Variants in OPCML observed in about 807,000 individuals in gnomAD.
OPCML encodes the protein opioid binding protein/cell adhesion molecule like, also known as opioid-binding protein/cell adhesion molecule.
Under a neutral mutation model 37.8 loss-of-function variants are expected in OPCML, and 13 were observed. That is an observed-to-expected ratio of 0.34 (90% CI 0.22 to 0.55). The LOEUF is 0.55. OPCML is among the 20% of genes least tolerant of loss of function. OPCML has a pLI of 0.91. For synonymous variants in OPCML, 176 were observed against 168.8 expected, an observed-to-expected ratio of 1.04 and a Z score of -0.33; for missense variants, 341 against 435.6, an observed-to-expected ratio of 0.78 and a Z score of 1.93.
chr11:132,705,449 T>C (rs1793287), intron 2 of OPCML, among the ~76,000 whole-genome samples: 108,630 of 151,448 alleles, frequency 0.72, 39,126 homozygotes, highest in Non-Finnish European at 0.75. Flanking sequence ...CAAATTCAGC[T>C]GGGTGTGGTG....
In OPCML at chr11:133,211,944, A is replaced by G. The variant is rs919127672; in HGVS notation, c.62-268934T>C. 6.0e-4 allele frequency among the ~76,000 whole-genome samples: 92 copies of G among 152,322 alleles called. No homozygotes were observed. The Middle Eastern group carries it at 0.014, about 23-fold the overall frequency. Reference sequence around the variant, plus strand: ...CAGTACAAATACCATAAGTTAGTGTATATACTCAAACAAAGCCATGAACGC... The same window carrying G: ...CAGTACAAATACCATAAGTTAGTGTGTATACTCAAACAAAGCCATGAACGC... On this transcript the variant is annotated intron_variant, in intron 1 of 7. Coordinates refer to ENST00000524381, the MANE Select transcript of OPCML (RefSeq NM_001012393.5). This position sits in a 1 kb window ranked among gnomAD's most constrained non-coding sequence, Gnocchi z 4.1.
chr11:133,446,205 A>G (rs1423256610), intron 1 of OPCML, among the ~76,000 whole-genome samples: 3 of 152,016 alleles, frequency 2.0e-5, no homozygotes, highest in Non-Finnish European at 4.4e-5. Context: ...CAAGAACAGA[A>G]CTCCCAATCT....
chr11:132,448,867 A>AT (rs1489145556), intron 4 of OPCML, among the ~76,000 whole-genome samples: 4 of 152,096 alleles, frequency 2.6e-5, no homozygotes, highest in Non-Finnish European at 1.5e-5. Flanking sequence ...AACCACAATT[A>AT]TTTTTTCTGT....
intron 1 of OPCML, among the ~76,000 whole-genome samples, chr11:133,172,243 T>C (rs1272709400): frequency 6.6e-6 from 1 of 152,194 alleles, no homozygotes; most frequent in Non-Finnish European, 1.5e-5. Flanking sequence ...TGACAGTTAC[T>C]GAATTATAGA....
intron 1 of OPCML, among the ~76,000 whole-genome samples, chr11:133,281,705 AG>A (rs1942163286): frequency 1.3e-5 from 2 of 152,148 alleles, no homozygotes; most frequent in Admixed American, 1.3e-4. Flanking sequence ...GATGAGGAGA[AG>A]TTTGGAACTT....
intron 2 of OPCML, among the ~76,000 whole-genome samples, chr11:132,909,391 C>T (rs1216451885): frequency 1.3e-5 from 2 of 152,222 alleles, no homozygotes; most frequent in Non-Finnish European, 2.9e-5. Context: ...GAGACCATTT[C>T]ATAGGCATTT....
intron 3 of OPCML, among the ~76,000 whole-genome samples, chr11:132,652,213 T>C (rs1041165377): frequency 3.9e-4 from 59 of 152,280 alleles, no homozygotes; most frequent in African/African-American, 1.3e-3. Flanking sequence ...AATTATCCTC[T>C]CTTTGCCCCC....
intron 1 of OPCML, among the ~76,000 whole-genome samples, chr11:133,158,712 A>AAAAAAATAAAATAAAAT (rs1555105905): frequency 7.4e-6 from 1 of 134,256 alleles, no homozygotes; most frequent in African/African-American, 2.9e-5. Flanking sequence ...ATAAAATTAA[A>AAAAAAATAAAATAAAAT]AAAATAAAAT....
intron 1 of OPCML, among the ~76,000 whole-genome samples, chr11:133,146,160 A>G (rs536822634): frequency 4.9e-4 from 74 of 152,226 alleles, no homozygotes; most frequent in African/African-American, 1.8e-3. Context: ...TGGCTGCGTA[A>G]AAGAGAAATG....
intron 3 of OPCML, among the ~76,000 whole-genome samples, chr11:132,580,373 A>G (rs1168495728): frequency 6.6e-6 from 1 of 152,232 alleles, no homozygotes; most frequent in Non-Finnish European, 1.5e-5. Context: ...TGCTCAATGA[A>G]AATGTAGACT....
chr11:132,516,702 A>G (rs1360954329), intron 4 of OPCML, among the ~76,000 whole-genome samples: 1 of 88,466 alleles, frequency 1.1e-5, no homozygotes, highest in Non-Finnish European at 2.4e-5. Context: ...TGAGAGGTTG[A>G]TCATGACAGA....
intron 1 of OPCML, chr11:133,301,550 G>A (rs1448358888): frequency 6.6e-6 from 1 of 152,164 alleles, no homozygotes. Context: ...TAGGGATGAG[G>A]ACATGTTCCA....
chr11:133,209,249 C>T lies in OPCML; in HGVS notation c.62-266239G>A, dbSNP rs554290225. Among the ~76,000 whole-genome samples, 8 of 152,232 alleles carry T rather than the reference C, an allele frequency of 5.3e-5. No homozygotes were observed. The South Asian group carries it at 6.2e-4, about 12-fold the overall frequency. The stretch of plus-strand genomic sequence containing the variant: ...GAGACATGTTTACCCCTAGAATTTC[C>T]GCATCTAGTGCAATACCTGGCGTGG... On this transcript the variant is annotated intron_variant, in intron 1 of 7. Transcript: ENST00000524381.
chr11:133,330,958 G>A (rs1210083203), intron 1 of OPCML, among the ~76,000 whole-genome samples: 1 of 152,180 alleles, frequency 6.6e-6, no homozygotes, highest in African/African-American at 2.4e-5. Context: ...TTGTTTAATA[G>A]TTACACAGCT....
At chr11:132,437,696 T>A (rs1439186950) in intron 4 of OPCML, among the ~76,000 whole-genome samples, 2 of 152,214 alleles carry the variant, frequency 1.3e-5, no homozygotes, top group Non-Finnish European at 2.9e-5. Flanking sequence ...GCCAAACTGA[T>A]ATTTTAAAAA....
chr11:132,687,405 T>TACATATATACATATAC (rs1565776255), intron 2 of OPCML, among the ~76,000 whole-genome samples: 1 of 96,000 alleles, frequency 1.0e-5, no homozygotes, highest in African/African-American at 6.3e-5. Context: ...TATATATATA[T>TACATATATACATATAC]ATATATATAT....
intron 1 of OPCML, among the ~76,000 whole-genome samples, chr11:133,140,946 C>CGAAGACGAAGAATACGAA (rs1491151678): frequency 2.2e-4 from 1 of 4,650 alleles, no homozygotes; most frequent in African/African-American, 4.0e-4. Flanking sequence ...AAGAAGAAGA[C>CGAAGACGAAGAATACGAA]GACGAAGAAG....
At position 132,855,600 on chromosome 11, in the gene OPCML, A is replaced by G. The variant is rs1037026411; in HGVS notation, c.146+87326T>C. ...TGGGCCACATGGTAACTCCATGTTTAACATTTTAGCCATGTGAGTGAGCTA... is the reference window on the plus strand; with the variant it reads ...TGGGCCACATGGTAACTCCATGTTTGACATTTTAGCCATGTGAGTGAGCTA... On this transcript the variant is annotated intron_variant, in intron 2 of 7. Coordinates refer to ENST00000524381, the MANE Select transcript of OPCML (RefSeq NM_001012393.5). Among the ~76,000 whole-genome samples, 10 of 152,286 alleles carry G rather than the reference A, an allele frequency of 6.6e-5. No individual in the cohort carries two copies. The South Asian group carries it at 1.9e-3, about 28-fold the overall frequency.
intron 2 of OPCML, among the ~76,000 whole-genome samples, chr11:132,827,924 C>T (rs764484091): frequency 5.9e-5 from 9 of 152,198 alleles, no homozygotes; most frequent in Non-Finnish European, 1.2e-4. Context: ...AGCCACCGCG[C>T]CTGGCCCCTG....
Sources: gnomAD v4.1 joint callset for allele counts (sites outside exome capture counted in the v4.1 genomes callset) on GRCh38, gnomAD v4.1.1 for gene constraint, Gnocchi (gnomAD v3.1) non-coding constraint, MANE v1.5 for transcripts, NCBI Gene and HGNC (gene_info 2026-07-23, HGNC 2026-07-21) for gene names.